The following CHRNB3 variants were observed in gnomAD, a reference collection of about 807,000 sequenced individuals.
CHRNB3 encodes the protein neuronal acetylcholine receptor subunit beta-3.
Under a neutral mutation model 40.6 loss-of-function variants are expected in CHRNB3, and 37 were observed. That is an observed-to-expected ratio of 0.91 (90% CI 0.70 to 1.20). The LOEUF (loss-of-function observed/expected upper bound fraction) is 1.20. Ranked by LOEUF, CHRNB3 falls within the 50% of genes most tolerant of loss-of-function variation. The pLI is 0.00. For missense variants in CHRNB3, 505 were observed against 551.2 expected (o/e 0.92, Z 0.84); for synonymous variants, 207 against 207.1 (o/e 1.00, Z 0.00).
intron 1 of CHRNB3, among the ~76,000 whole-genome samples, chr8:42,700,376 T>G (rs770357455): frequency 1.6e-4 from 25 of 151,546 alleles, no homozygotes; most frequent in Non-Finnish European, 3.1e-4. Context: ...CAGGCTGGAG[T>G]GCAGTGGCAA....
chr8:42,707,710 A>G (rs116074881), intron 1 of CHRNB3, among the ~76,000 whole-genome samples: 1,685 of 152,304 alleles, frequency 0.011, 34 homozygotes, highest in African/African-American at 0.039. Context: ...ATAGTGAGGC[A>G]CTGGGCAGAG....
intron 3 of CHRNB3, among the ~76,000 whole-genome samples, chr8:42,723,319 T>C (rs892354124): frequency 3.9e-5 from 6 of 152,202 alleles, no homozygotes; most frequent in African/African-American, 9.7e-5. Context: ...AAACAGTTTT[T>C]CTGTTCTATC....
intron 3 of CHRNB3, among the ~76,000 whole-genome samples, chr8:42,728,554 A>G (rs575902541): frequency 1.3e-5 from 2 of 152,228 alleles, no homozygotes; most frequent in East Asian, 1.9e-4. Context: ...AACAAAACAA[A>G]AAACAAACAT....
chr8:42,707,909 T>A (rs1354148249), intron 1 of CHRNB3, among the ~76,000 whole-genome samples: 1 of 152,182 alleles, frequency 6.6e-6, no homozygotes, highest in Admixed American at 6.5e-5. Flanking sequence ...TGGGTAAACA[T>A]GATCAAATAT....
intron 2 of CHRNB3, among the ~76,000 whole-genome samples, chr8:42,709,468 G>A (rs915173928): frequency 1.3e-5 from 2 of 151,696 alleles, no homozygotes; most frequent in African/African-American, 4.9e-5. Context: ...GATCCCCAAA[G>A]CCCCAGAAGA....
chr8:42,736,260 C>T (rs565196912), intron 5 of CHRNB3, among the ~76,000 whole-genome samples: 1 of 152,286 alleles, frequency 6.6e-6, no homozygotes, highest in Admixed American at 6.5e-5. Flanking sequence ...TTTCTATTTT[C>T]CTTCTTCAGT....
chr8:42,712,274 T>C (rs1339107437), intron 3 of CHRNB3, among the ~76,000 whole-genome samples: 1 of 152,224 alleles, frequency 6.6e-6, no homozygotes, highest in African/African-American at 2.4e-5. Context: ...ATTACAGGTG[T>C]GAGCCACCGC....
Position 42,732,116 on chromosome 8 carries a change from C to T in CHRNB3, c.809C>T (p.Ser270Leu), listed in dbSNP as rs753349291. ...DEGEKLSLST[S>L]VLVSLTVFLL... is the part of the protein sequence containing the mutation. ...GGAGAAAAACTTTCATTATCCACAT[C>T]GGTCTTGGTTTCTCTGACAGTTTTC... Residue 270 changes from serine to leucine, a missense_variant, in exon 5 of 6, where the codon TCG becomes TTG. Physicochemically the swap from Ser to Leu is moderately radical, Grantham distance 145. Coordinates refer to ENST00000289957, the MANE Select transcript of CHRNB3 (RefSeq NM_000749.5). The T allele has an allele frequency of 1.7e-5, 28 of 1,613,700 alleles. No individual in the cohort carries two copies. The Admixed American group carries it at 4.7e-4, about 27-fold the overall frequency.
At chr8:42,720,107 C>A (rs1002819880) in intron 3 of CHRNB3, among the ~76,000 whole-genome samples, 14 of 123,722 alleles carry the variant, frequency 1.1e-4, no homozygotes, top group Non-Finnish European at 2.0e-4. Context: ...CACTCAGAAG[C>A]CTTCTTTTTT....
At chr8:42,728,739 T>C (rs2128908261) in intron 3 of CHRNB3, among the ~76,000 whole-genome samples, 1 of 152,162 alleles carries the variant, frequency 6.6e-6, no homozygotes. Context: ...GGGAAATATT[T>C]TGGGCAAAAA....
intron 3 of CHRNB3, 43 bp downstream of exon 3, chr8:42,710,477 T>G: frequency 6.8e-7 from 1 of 1,467,846 alleles, no homozygotes; most frequent in South Asian, 1.2e-5. Flanking sequence ...CCCAGTCACT[T>G]ATTTTCTATT....
intron 1 of CHRNB3, among the ~76,000 whole-genome samples, chr8:42,700,651 A>T (rs2128904016): frequency 6.6e-6 from 1 of 152,260 alleles, no homozygotes; most frequent in Middle Eastern, 3.4e-3. Flanking sequence ...GGCTGAGGAT[A>T]AAAAAATGGC....
chr8:42,729,293 C>T (rs1816362594), intron 3 of CHRNB3, among the ~76,000 whole-genome samples: 1 of 151,972 alleles, frequency 6.6e-6, no homozygotes. Context: ...ACCTGTAGTC[C>T]CAGCTACTCA....
chr8:42,727,104 G>A (rs376922334), intron 3 of CHRNB3, among the ~76,000 whole-genome samples: 3 of 152,282 alleles, frequency 2.0e-5, no homozygotes, highest in South Asian at 2.1e-4. Context: ...CGGGCGCCGT[G>A]GCTCACACCT....
At chr8:42,699,234 TG>T (rs1347334797) in intron 1 of CHRNB3, among the ~76,000 whole-genome samples, 6 of 152,210 alleles carry the variant, frequency 3.9e-5, no homozygotes, top group South Asian at 4.1e-4. Context: ...GAGCCTTGGG[TG>T]TGGCCATGGG....
At chr8:42,726,737 G>A (rs1010455780) in intron 3 of CHRNB3, among the ~76,000 whole-genome samples, 1 of 152,060 alleles carries the variant, frequency 6.6e-6, no homozygotes, top group South Asian at 2.1e-4. Context: ...TGATCCACCC[G>A]CCTTGGCCTG....
intron 2 of CHRNB3, among the ~76,000 whole-genome samples, chr8:42,709,356 C>T (rs73633735): frequency 0.012 from 1,806 of 151,516 alleles, 38 homozygotes; most frequent in African/African-American, 0.043. Flanking sequence ...CATGCCTTCA[C>T]ATTCTAATTT....
intron 3 of CHRNB3, among the ~76,000 whole-genome samples, chr8:42,728,779 T>C (rs952137081): frequency 2.6e-5 from 4 of 152,168 alleles, no homozygotes; most frequent in African/African-American, 7.2e-5. Context: ...TGCCTGCAGT[T>C]ATTATACAGC....
chr8:42,698,234 AAAAG>A (rs1815711618), intron 1 of CHRNB3, among the ~76,000 whole-genome samples: 1 of 152,198 alleles, frequency 6.6e-6, no homozygotes. Flanking sequence ...CAAAAAGAGA[AAAAG>A]AAAGGGGAAT....
Sources: allele counts gnomAD v4.1 joint callset (sites outside exome capture counted in the v4.1 genomes callset), GRCh38; gene constraint gnomAD v4.1.1; transcripts MANE v1.5; gene names NCBI Gene and HGNC (gene_info 2026-07-23, HGNC 2026-07-21).